Variants in RABGAP1L observed in about 807,000 individuals in gnomAD.
RABGAP1L encodes the protein RAB GTPase activating protein 1 like.
Under a neutral mutation model 137.7 loss-of-function variants are expected in RABGAP1L, and 63 were observed. That is an observed-to-expected ratio of 0.46 (90% CI 0.37 to 0.56). The LOEUF is 0.56. Ranked by LOEUF, RABGAP1L falls within the 20% of genes least tolerant of loss-of-function variation. The pLI is 0.00. For missense variants in RABGAP1L, 1,095 were observed against 1,244.0 expected, an observed-to-expected ratio of 0.88 and a Z score of 1.80; for synonymous variants, 431 against 433.7, an observed-to-expected ratio of 0.99 and a Z score of 0.08.
At position 174,675,581 on chromosome 1, in the gene RABGAP1L, T is replaced by C. The variant is rs910086012; in HGVS notation, c.1825-7941T>C. ...TGACTTGGCGATGCGGGCTCTTTTT[T>C]GGTTCCATATGAACTTTAAAGTAGT... On this transcript the variant is annotated intron_variant, in intron 14 of 25. Coordinates refer to ENST00000681986, the MANE Select transcript of RABGAP1L (RefSeq NM_001366446.1). Among the ~76,000 whole-genome samples the C allele has an allele frequency of 2.5e-3, 374 of 152,070 alleles. 3 individuals carry two copies. The highest frequency in any genetic ancestry group is 3.3e-3 in the Non-Finnish European group (226 of 67,938).
At chr1:174,348,833 A>G (rs1402643519) in intron 11 of RABGAP1L, among the ~76,000 whole-genome samples, 5 of 151,954 alleles carry the variant, frequency 3.3e-5, no homozygotes, top group Admixed American at 2.0e-4. Context: ...TGCAGAACAA[A>G]ATGAAAAGTC....
intron 7 of RABGAP1L, among the ~76,000 whole-genome samples, chr1:174,263,496 A>C (rs1673776895): frequency 6.6e-6 from 1 of 152,340 alleles, no homozygotes; most frequent in Admixed American, 6.5e-5. Flanking sequence ...TAATTGAATT[A>C]ATATCTAATG....
At chr1:174,210,644 A>G (rs1318587489) in intron 1 of RABGAP1L, among the ~76,000 whole-genome samples, 2 of 152,226 alleles carry the variant, frequency 1.3e-5, no homozygotes, top group Admixed American at 1.3e-4. Flanking sequence ...GGCCTTAAAG[A>G]GGAGATAGAG....
chr1:174,454,349 C>T (rs2149265197), intron 13 of RABGAP1L, among the ~76,000 whole-genome samples: 1 of 152,194 alleles, frequency 6.6e-6, no homozygotes, highest in African/African-American at 2.4e-5. Context: ...ATAACACTAT[C>T]CAATAATGTC....
rs187841715 is a variant in RABGAP1L at position 174,288,031 on chromosome 1, T to C, written c.1323+9252T>C. On this transcript the variant is annotated intron_variant, in intron 10 of 25. Coordinates refer to ENST00000681986, the MANE Select transcript of RABGAP1L (RefSeq NM_001366446.1). ...CTTTGTAATTACCATGAGGCTTACA[T>C]AAAATATAATTATTACATGTTATTT... Among the ~76,000 whole-genome samples, 5 of 152,256 alleles carry C rather than the reference T, an allele frequency of 3.3e-5. No individual in the cohort carries two copies. The East Asian group carries it at 9.6e-4, about 29-fold the overall frequency.
At chr1:174,438,407 T>C (rs1374538512) in intron 13 of RABGAP1L, among the ~76,000 whole-genome samples, 2 of 151,994 alleles carry the variant, frequency 1.3e-5, no homozygotes, top group African/African-American at 4.8e-5. Context: ...TTCTTAACAA[T>C]ATTGATTCTC....
chr1:174,952,632 C>T (rs1667896468), intron 19 of RABGAP1L, among the ~76,000 whole-genome samples: 1 of 151,988 alleles, frequency 6.6e-6, no homozygotes, highest in South Asian at 2.1e-4. Context: ...ACTCTGTCAC[C>T]TAGGCTGGAG....
At chr1:174,312,387 CT>C (rs550159180) in intron 11 of RABGAP1L, among the ~76,000 whole-genome samples, 21 of 151,332 alleles carry the variant, frequency 1.4e-4, no homozygotes, top group Admixed American at 5.3e-4. Flanking sequence ...ATTTGTATGT[CT>C]TTTTTTTTCT....
At chr1:174,409,869 G>A (rs932172651) in intron 13 of RABGAP1L, among the ~76,000 whole-genome samples, 4 of 152,158 alleles carry the variant, frequency 2.6e-5, no homozygotes, top group African/African-American at 4.8e-5. Flanking sequence ...CCTGTTTTCT[G>A]TTGTTTAAGA....
At chr1:174,507,155 C>T (rs1661898085) in intron 13 of RABGAP1L, among the ~76,000 whole-genome samples, 1 of 152,160 alleles carries the variant, frequency 6.6e-6, no homozygotes, top group South Asian at 2.1e-4. Context: ...TGACAATGTT[C>T]ACCTAAAATG....
chr1:174,636,926 G>T (rs897947690), intron 13 of RABGAP1L, among the ~76,000 whole-genome samples: 1 of 152,116 alleles, frequency 6.6e-6, no homozygotes, highest in Non-Finnish European at 1.5e-5. Context: ...AAAGAAGATG[G>T]TCATTAATAG....
At chr1:174,863,233 CAAAA>C (rs71117585) in intron 19 of RABGAP1L, among the ~76,000 whole-genome samples, 1 of 82,634 alleles carries the variant, frequency 1.2e-5, no homozygotes, top group African/African-American at 4.9e-5. Flanking sequence ...TTGTTTGTAG[CAAAA>C]AAAAAAAAAA....
chr1:174,285,178 G>T (rs994777188), intron 10 of RABGAP1L, among the ~76,000 whole-genome samples: 25 of 151,834 alleles, frequency 1.6e-4, no homozygotes, highest in African/African-American at 5.8e-4. Flanking sequence ...CACCACGCCC[G>T]GCTAATTTTT....
chr1:174,422,220 C>T (rs937798457), intron 13 of RABGAP1L, among the ~76,000 whole-genome samples: 5 of 151,908 alleles, frequency 3.3e-5, no homozygotes, highest in Non-Finnish European at 7.4e-5. Flanking sequence ...GAACAAGGGC[C>T]CTGTATTTTC....
chr1:174,405,908 G>A (rs1649210388), intron 13 of RABGAP1L, among the ~76,000 whole-genome samples: 1 of 152,020 alleles, frequency 6.6e-6, no homozygotes, highest in Admixed American at 6.6e-5. Flanking sequence ...AGCCCGGGAG[G>A]CAGAGGTTGC....
intron 18 of RABGAP1L, among the ~76,000 whole-genome samples, chr1:174,757,938 G>A (rs903916873): frequency 1.3e-5 from 2 of 150,734 alleles, no homozygotes; most frequent in African/African-American, 4.9e-5. Flanking sequence ...CACAAGAATC[G>A]CTTGAACCCG....
chr1:174,769,299 C>T (rs775471693), intron 18 of RABGAP1L, among the ~76,000 whole-genome samples: 21 of 151,804 alleles, frequency 1.4e-4, no homozygotes, highest in East Asian at 3.9e-4. Flanking sequence ...TCATCTTGTG[C>T]GCTGAGTTGC....
At chr1:174,497,738 C>A (rs1015453470) in intron 13 of RABGAP1L, among the ~76,000 whole-genome samples, 1 of 152,220 alleles carries the variant, frequency 6.6e-6, no homozygotes, top group African/African-American at 2.4e-5. Context: ...CCAACAAAGA[C>A]TGCTTATAAA....
At chr1:174,934,824 C>T (rs1202677429) in intron 19 of RABGAP1L, 2 of 152,036 alleles carry the variant, frequency 1.3e-5, no homozygotes, top group African/African-American at 4.8e-5. Flanking sequence ...TGTGTGTATA[C>T]ACATATATAT....
Sources: allele counts gnomAD v4.1 joint callset (sites outside exome capture counted in the v4.1 genomes callset), GRCh38; gene constraint gnomAD v4.1.1; transcripts MANE v1.5; gene names NCBI Gene and HGNC (gene_info 2026-07-23, HGNC 2026-07-21).